GPRC5A: variants seen among roughly 807,000 people sequenced by gnomAD.
GPRC5A encodes the protein G protein-coupled receptor class C group 5 member A.
Under a neutral mutation model 22.5 loss-of-function variants are expected in GPRC5A, and 19 were observed. The ratio of observed to expected loss-of-function variants is 0.85; its 90% CI spans 0.59 to 1.24. GPRC5A has a LOEUF of 1.24. Ranked by LOEUF, GPRC5A falls within the 50% of genes most tolerant of loss-of-function variation. The pLI is 0.00. For missense variants in GPRC5A, 471 were observed against 451.1 expected (o/e 1.04, Z -0.40); for synonymous variants, 192 against 184.5 (o/e 1.04, Z -0.33).
chr12:12,917,243 T>C lies in GPRC5A; in HGVS notation c.*4704T>C, dbSNP rs1346330255. The C allele has an allele frequency of 7.9e-6, 1 of 125,970 alleles. No homozygotes were observed. The highest frequency in any genetic ancestry group is 1.6e-5 in the Non-Finnish European group (1 of 61,712). The allele number at this position is 125,970 out of a possible 1,614,324, so 7.8% of individuals were successfully genotyped here. ...GTGTGTGTGTGTGTGTGTGTGTGTG[T>C]GTGTGTGTGCGTGCGTGCGTGTATG... On this transcript the variant is annotated 3_prime_UTR_variant, in exon 4 of 4. Transcript: ENST00000014914.
At chr12:12,898,358 A>G (rs1453772687) in intron 1 of GPRC5A, among the ~76,000 whole-genome samples, 11 of 151,976 alleles carry the variant, frequency 7.2e-5, no homozygotes, top group Admixed American at 5.9e-4. Flanking sequence ...ACATAGCGAG[A>G]CCCCACCTCT....
intron 1 of GPRC5A, 62 bp from the exon 2 acceptor site, chr12:12,908,181 G>A: frequency 8.8e-7 from 1 of 1,142,544 alleles, no homozygotes; most frequent in Admixed American, 2.5e-5. Context: ...AGTCTTCTGT[G>A]TCTGAGGACT....
chr12:12,908,636 T>G lies in GPRC5A; in HGVS notation c.387T>G (p.Leu129=). ...LTKLVRGRKP[L]SLLVILGLAV... is the part of the protein sequence containing the mutation. Reference sequence around the variant, plus strand: ...AGCTCGTCCGGGGGAGGAAGCCCCTTTCCCTGTTGGTGATTCTGGGTCTGG... The same window carrying G: ...AGCTCGTCCGGGGGAGGAAGCCCCTGTCCCTGTTGGTGATTCTGGGTCTGG... Residue 129 remains leucine, a synonymous_variant, in exon 2 of 4, where the codon CTT becomes CTG. Coordinates refer to ENST00000014914, the MANE Select transcript of GPRC5A (RefSeq NM_003979.4). The G allele has an allele frequency of 6.2e-7, 1 of 1,613,964 alleles. No individual in the cohort carries two copies. Among genetic ancestry groups the G allele is most frequent in the Non-Finnish European group, 8.5e-7 (1 of 1,179,896 alleles).
chr12:12,904,132 G>C (rs1863916628), intron 1 of GPRC5A, among the ~76,000 whole-genome samples: 1 of 152,096 alleles, frequency 6.6e-6, no homozygotes, highest in South Asian at 2.1e-4. Flanking sequence ...CAGGGCCTGA[G>C]TTCCTTCCGC....
chr12:12,901,792 G>A (rs1027016502), intron 1 of GPRC5A, among the ~76,000 whole-genome samples: 1 of 150,566 alleles, frequency 6.6e-6, no homozygotes, highest in Non-Finnish European at 1.5e-5. Context: ...AACCATCCTG[G>A]AGGAAAGGAC....
At chr12:12,899,942 T>G (rs1863864198) in intron 1 of GPRC5A, among the ~76,000 whole-genome samples, 1 of 152,194 alleles carries the variant, frequency 6.6e-6, no homozygotes, top group South Asian at 2.1e-4. Context: ...CTGCGTAGAA[T>G]AAGCATGGGC....
Position 12,908,932 on chromosome 12 carries a change from T to C in GPRC5A, c.683T>C (p.Ile228Thr). 1 of 1,613,874 alleles carries C rather than the reference T, an allele frequency of 6.2e-7. No homozygotes were observed. The highest frequency in any genetic ancestry group is 1.1e-5 in the South Asian group (1 of 91,070). The change falls in exon 2 of 4, where the codon ATC becomes ACC. Residue 228 changes from isoleucine (I) to threonine (T), a missense_variant. Transcript: ENST00000014914. Reference protein sequence around the residue: ...LLSIAIWVAWITLLMLPDFDR... With the variant: ...LLSIAIWVAWTTLLMLPDFDR... Reference sequence around the variant, plus strand: ...TCCATTGCCATCTGGGTGGCCTGGATCACCCTGCTCATGCTTCCTGACTTT... The same window carrying C: ...TCCATTGCCATCTGGGTGGCCTGGACCACCCTGCTCATGCTTCCTGACTTT...
intron 1 of GPRC5A, among the ~76,000 whole-genome samples, chr12:12,904,806 C>T (rs900625329): frequency 6.6e-6 from 1 of 151,052 alleles, no homozygotes; most frequent in Non-Finnish European, 1.5e-5. Flanking sequence ...TACATATGTA[C>T]AATCTTCCTA....
In GPRC5A at chr12:12,908,293, C is replaced by T. The variant is rs1863963644; in HGVS notation, c.44C>T (p.Ser15Phe). The stretch of plus-strand genomic sequence containing the variant: ...GATGGTTGCCGCAATGGCCTGAAAT[C>T]CAAGTACTACAGACTTTGTGATAAG... ...VPDGCRNGLK[S>F]KYYRLCDKAE... is the part of the protein sequence containing the mutation. The change falls in exon 2 of 4, where the codon TCC (serine) becomes TTC (phenylalanine). Residue 15 changes from serine (S) to phenylalanine (F), a missense_variant. Ser to Phe is a radical substitution (Grantham distance 155). Transcript: ENST00000014914. 6.2e-7 allele frequency: 1 copy of T among 1,607,636 alleles called. No homozygotes were observed. Among genetic ancestry groups the T allele is most frequent in the Non-Finnish European group, 8.5e-7 (1 of 1,177,204 alleles).
At chr12:12,904,017 G>A (rs1297915603) in intron 1 of GPRC5A, among the ~76,000 whole-genome samples, 1 of 152,198 alleles carries the variant, frequency 6.6e-6, no homozygotes, top group African/African-American at 2.4e-5. Context: ...TGGCAGAGAG[G>A]GGCAGGGAGA....
Position 12,914,596 on chromosome 12 carries a change from C to CCT in GPRC5A, c.*2057_*2058insCT, listed in dbSNP as rs1864042800. Reference sequence around the variant, plus strand: ...TCTTTCTTTCTTTCTTTCTTTCTTTCTCTCTCTCTCTCTCTCTCTCTTTCT... The same window carrying CCT: ...TCTTTCTTTCTTTCTTTCTTTCTTTCCTTCTCTCTCTCTCTCTCTCTCTTTCT... On this transcript the variant is annotated 3_prime_UTR_variant, in exon 4 of 4. Transcript: ENST00000014914. The CCT allele has an allele frequency of 9.9e-6, 1 of 101,060 alleles. No individual in the cohort carries two copies. Among genetic ancestry groups the CCT allele is most frequent in the African/African-American group, 4.2e-5 (1 of 24,078 alleles). The allele number at this position is 101,060 out of a possible 1,614,324, so 6.3% of individuals were successfully genotyped here. A position where few individuals can be genotyped will look rare whatever the true frequency, so the allele number is the denominator to read the frequency against.
rs778225251 is a variant in GPRC5A, at chr12:12,909,103, A to C, written c.854A>C (p.Lys285Thr). ...TATCCTGTTGAGGATGCTTTCTGTAAACCTCAACTCGTGAAGAAGAGCTAT... is the reference window on the plus strand; with the variant it reads ...TATCCTGTTGAGGATGCTTTCTGTACACCTCAACTCGTGAAGAAGAGCTAT... ...MDYPVEDAFC[K>T]PQLVKKSYGV... The change falls in exon 2 of 4, where the codon AAA becomes ACA. Residue 285 changes from lysine to threonine, a missense_variant. Coordinates refer to ENST00000014914, the MANE Select transcript of GPRC5A (RefSeq NM_003979.4). 5.0e-6 allele frequency: 8 copies of C among 1,602,246 alleles called. No individual in the cohort carries two copies. The Admixed American group carries it at 1.3e-4, about 27-fold the overall frequency.
At chr12:12,896,127 T>C (rs1312984929) in intron 1 of GPRC5A, among the ~76,000 whole-genome samples, 1 of 152,180 alleles carries the variant, frequency 6.6e-6, no homozygotes, top group Non-Finnish European at 1.5e-5. Flanking sequence ...TTAAGCTTTA[T>C]TTAAAAAGAT....
At chr12:12,911,456 A>G (rs753625340) in intron 2 of GPRC5A, among the ~76,000 whole-genome samples, 7 of 151,556 alleles carry the variant, frequency 4.6e-5, no homozygotes, top group Non-Finnish European at 1.0e-4. Context: ...GGCCAGATCT[A>G]TATCTGAAAT....
At chr12:12,905,682 T>C (rs1863934521) in intron 1 of GPRC5A, among the ~76,000 whole-genome samples, 1 of 152,180 alleles carries the variant, frequency 6.6e-6, no homozygotes, top group Admixed American at 6.5e-5. Context: ...TTTTTCGATT[T>C]CCCAATTTAT....
At chr12:12,907,234 A>G (rs1863951455) in intron 1 of GPRC5A, among the ~76,000 whole-genome samples, 1 of 151,272 alleles carries the variant, frequency 6.6e-6, no homozygotes. Flanking sequence ...CGTCTCTACT[A>G]AAAATACAAA....
intron 1 of GPRC5A, among the ~76,000 whole-genome samples, chr12:12,901,237 C>T (rs1257405807): frequency 6.6e-6 from 1 of 152,122 alleles, no homozygotes; most frequent in Non-Finnish European, 1.5e-5. Context: ...TGACTGGATC[C>T]CAGTTAATCC....
At position 12,914,582 on chromosome 12, in the gene GPRC5A, TTCTTTCTTTCTTTCTC is replaced by T. The variant is rs1317150248; in HGVS notation, c.*2047_*2062del. On this transcript the variant is annotated 3_prime_UTR_variant, in exon 4 of 4. Transcript: ENST00000014914. ...TTTCTTTCTTTCTTTCTTTCTTTCT[TTCTTTCTTTCTTTCTC>T]TCTCTCTCTCTCTCTCTCTTTCTTT... The T allele has an allele frequency of 2.2e-5, 2 of 92,684 alleles. No individual in the cohort carries two copies. The highest frequency in any genetic ancestry group is 1.3e-4 in the African/African-American group (2 of 15,614). 5.7% of individuals were successfully genotyped at this position (92,684 alleles called of 1,614,324 possible).
chr12:12,908,332 G>T lies in GPRC5A; in HGVS notation c.83G>T (p.Gly28Val), dbSNP rs1592351122. 6.2e-7 allele frequency: 1 copy of T among 1,613,816 alleles called. No individual in the cohort carries two copies. ...YRLCDKAEAW[G>V]IVLETVATAG... ...CTTTGTGATAAGGCTGAAGCTTGGG[G>T]CATCGTCCTAGAAACGGTGGCCACA... Residue 28 changes from glycine to valine, a missense_variant, in exon 2 of 4, where the codon GGC becomes GTC. Transcript: ENST00000014914.
Sources: allele counts gnomAD v4.1 joint callset (sites outside exome capture counted in the v4.1 genomes callset), GRCh38; gene constraint gnomAD v4.1.1; transcripts MANE v1.5; gene names NCBI Gene and HGNC (gene_info 2026-07-23, HGNC 2026-07-21).